The following ALK variants were observed in gnomAD, a reference collection of about 807,000 sequenced individuals.
The protein encoded by ALK is ALK receptor tyrosine kinase, also known as ALK tyrosine kinase receptor.
ALK carries 74 observed loss-of-function variants against 163.1 expected under a neutral mutation model. The ratio of observed to expected loss-of-function variants is 0.45; its 90% CI spans 0.38 to 0.55. The LOEUF (loss-of-function observed/expected upper bound fraction) is 0.55. Among genes scored for constraint, ALK ranks in the 20% least tolerant of loss-of-function variants. The pLI, the probability that ALK is intolerant of heterozygous loss-of-function variation, is 0.00. For missense variants in ALK, 2,063 were observed against 2,105.3 expected (o/e 0.98, Z 0.39); for synonymous variants, 960 against 843.2 (o/e 1.14, Z -2.40).
chr2:29,307,826 A>C (rs967129946), intron 8 of ALK, among the ~76,000 whole-genome samples: 32 of 152,224 alleles, frequency 2.1e-4, no homozygotes, highest in African/African-American at 7.7e-4. Context: ...GCAATTATGG[A>C]GGCTTAAGAA....
At chr2:29,719,664 C>T (rs761060826) in intron 1 of ALK, among the ~76,000 whole-genome samples, 3 of 152,210 alleles carry the variant, frequency 2.0e-5, no homozygotes, top group East Asian at 1.9e-4. Context: ...GGCATAAAGA[C>T]GTTAGTTACC....
chr2:29,305,355 T>C (rs931179886), intron 8 of ALK, among the ~76,000 whole-genome samples: 3 of 152,158 alleles, frequency 2.0e-5, no homozygotes, highest in Non-Finnish European at 2.9e-5. Context: ...CGAGGATGTA[T>C]ACGGGGCTAG....
chr2:29,705,654 C>A (rs1193402619), intron 2 of ALK, among the ~76,000 whole-genome samples: 1 of 152,142 alleles, frequency 6.6e-6, no homozygotes, highest in Non-Finnish European at 1.5e-5. Context: ...TGTGCCATTA[C>A]TAGCTCCACA....
chr2:29,483,533 C>T (rs55856291), intron 4 of ALK, among the ~76,000 whole-genome samples: 39,704 of 152,176 alleles, frequency 0.26, 6,148 homozygotes, highest in Non-Finnish European at 0.35. Flanking sequence ...TTCATGTGCA[C>T]ATCCAAGTTT....
intron 1 of ALK, among the ~76,000 whole-genome samples, chr2:29,788,384 G>A (rs894531953): frequency 2.6e-5 from 4 of 152,166 alleles, no homozygotes; most frequent in Non-Finnish European, 4.4e-5. Flanking sequence ...AAACCAGAGA[G>A]GTCTAGACAG....
rs576804104 is a variant in ALK at position 29,821,145 on chromosome 2, C to A, written c.667+98848G>T. 2.2e-4 allele frequency among the ~76,000 whole-genome samples: 34 copies of A among 152,256 alleles called. No homozygotes were observed. In the South Asian group the frequency reaches 6.8e-3, roughly 31 times the overall value. ...TAGGGGAAGGTGGCATCACATGGAA[C>A]CCACCTTCTGTTTTCCCACCCACTG... On this transcript the variant is annotated intron_variant, in intron 1 of 28. Transcript: ENST00000389048.
chr2:29,603,541 A>T (rs1224007388), intron 3 of ALK, among the ~76,000 whole-genome samples: 1 of 152,012 alleles, frequency 6.6e-6, no homozygotes, highest in African/African-American at 2.4e-5. Flanking sequence ...AAGGAAGGAG[A>T]GTATCATGAG....
In ALK at chr2:29,533,131, G is replaced by A. The variant is rs545024899; in HGVS notation, c.953-1015C>T. On this transcript the variant is annotated intron_variant, in intron 3 of 28. Transcript: ENST00000389048. ...CAACTTTCTTAAAGTAAGTAAAAGC[G>A]ACTTCTGGTTAAAATCAGGATGAAG... Among the ~76,000 whole-genome samples, 4 of 152,302 alleles carry A rather than the reference G, an allele frequency of 2.6e-5. No homozygotes were observed. In the East Asian group the frequency reaches 5.8e-4, roughly 22 times the overall value.
intron 8 of ALK, among the ~76,000 whole-genome samples, chr2:29,307,023 T>G (rs1250465154): frequency 1.3e-5 from 2 of 152,264 alleles, no homozygotes; most frequent in Non-Finnish European, 2.9e-5. Context: ...AAGTCCTGTA[T>G]GTAAAGCCGG....
At position 29,233,634 on chromosome 2, in the gene ALK, A is replaced by G. The variant is rs776266666; in HGVS notation, c.2418T>C (p.Arg806=). The change falls in exon 14 of 29, where the codon CGT becomes CGC. Residue 806 remains arginine (R), a synonymous_variant. Transcript: ENST00000389048. ...CCCACTCATGCACGCTTCTGTTCAC[A>G]CGGATTTCTTCTTCTATCACATTGT... ...GENNVIEEEI[R]VNRSVHEWAG... The G allele has an allele frequency of 2.5e-6, 4 of 1,614,160 alleles. No individual in the cohort carries two copies. The Admixed American group carries it at 5.0e-5, about 20-fold the overall frequency.
intron 4 of ALK, among the ~76,000 whole-genome samples, chr2:29,463,277 C>T (rs1201164474): frequency 1.3e-5 from 2 of 152,170 alleles, no homozygotes; most frequent in Non-Finnish European, 2.9e-5. Context: ...TTGACTGTTG[C>T]AGCAAGAAGA....
At chr2:29,650,699 T>C (rs1057129178) in intron 3 of ALK, among the ~76,000 whole-genome samples, 2 of 152,174 alleles carry the variant, frequency 1.3e-5, no homozygotes, top group Non-Finnish European at 2.9e-5. Context: ...ACAGTAACCA[T>C]ACCCGATGAG....
chr2:29,196,987 C>T, intron 27 of ALK, 127 bp from the exon 28 acceptor site: 1 of 732,054 alleles, frequency 1.4e-6, no homozygotes, highest in Non-Finnish European at 2.4e-6. Flanking sequence ...GTGTACTTGG[C>T]CTATGCTGCC....
chr2:29,460,118 C>T (rs4366859), intron 4 of ALK, among the ~76,000 whole-genome samples: 3 of 151,976 alleles, frequency 2.0e-5, no homozygotes, highest in Admixed American at 6.6e-5. Flanking sequence ...AGGAGTGGAA[C>T]GAACACAGCA....
intron 1 of ALK, among the ~76,000 whole-genome samples, chr2:29,819,116 G>T (rs1664973944): frequency 6.6e-6 from 1 of 152,172 alleles, no homozygotes; most frequent in South Asian, 2.1e-4. Context: ...TCATCAGGGA[G>T]CCTGTTATAA....
At chr2:29,268,969 G>A (rs770430699) in intron 11 of ALK, among the ~76,000 whole-genome samples, 6 of 152,194 alleles carry the variant, frequency 3.9e-5, no homozygotes, top group African/African-American at 9.7e-5. Flanking sequence ...AAACCTAAGC[G>A]CTGTAAGCAT....
chr2:29,322,970 C>T (rs1186754069), intron 6 of ALK, among the ~76,000 whole-genome samples: 2 of 152,280 alleles, frequency 1.3e-5, no homozygotes, highest in Admixed American at 6.5e-5. Context: ...CCCTCCTTAC[C>T]CTTTTAGGAG....
chr2:29,394,479 C>T (rs188000782), intron 4 of ALK, among the ~76,000 whole-genome samples: 1 of 152,240 alleles, frequency 6.6e-6, no homozygotes, highest in East Asian at 1.9e-4. Context: ...GCTGAGCATC[C>T]CTCACCAGGG....
At chr2:29,909,103 T>C (rs1667629166) in intron 1 of ALK, among the ~76,000 whole-genome samples, 1 of 152,218 alleles carries the variant, frequency 6.6e-6, no homozygotes, top group Non-Finnish European at 1.5e-5. Flanking sequence ...TAGTATGACC[T>C]AGATCCCAAA....
Sources: allele counts gnomAD v4.1 joint callset (sites outside exome capture counted in the v4.1 genomes callset), GRCh38; gene constraint gnomAD v4.1.1; transcripts MANE v1.5; gene names NCBI Gene and HGNC (gene_info 2026-07-23, HGNC 2026-07-21).